The following WWP1 variants were observed in gnomAD, a reference collection of about 807,000 sequenced individuals.
WWP1 encodes NEDD4-like E3 ubiquitin-protein ligase WWP1.
WWP1 carries 49 observed loss-of-function variants against 130.6 expected under a neutral mutation model. The observed-to-expected ratio is 0.38, with a 90% CI of 0.30 to 0.48. The LOEUF (loss-of-function observed/expected upper bound fraction) is 0.48, where lower values mean the gene tolerates loss of function less well. WWP1 is among the 20% of genes least tolerant of loss of function. The pLI, the probability that WWP1 is intolerant of heterozygous loss-of-function variation, is 0.99. For synonymous variants in WWP1, 332 were observed against 367.8 expected (o/e 0.90, Z 1.11); for missense variants, 809 against 1,100.6 (o/e 0.74, Z 3.75).
At chr8:86,441,999 G>T (rs375168620) in intron 17 of WWP1, among the ~76,000 whole-genome samples, 27 of 152,178 alleles carry the variant, frequency 1.8e-4, no homozygotes, top group East Asian at 1.5e-3. Flanking sequence ...CACATTTAAA[G>T]ATTTAACCTT....
At chr8:86,419,563 G>C (rs1809079688) in intron 9 of WWP1, among the ~76,000 whole-genome samples, 1 of 152,182 alleles carries the variant, frequency 6.6e-6, no homozygotes, top group Non-Finnish European at 1.5e-5. Context: ...TGTGAAATTT[G>C]ACTGATAAAG....
Position 86,466,804 on chromosome 8 carries a change from T to G in WWP1, c.2680T>G (p.Leu894Val). ...TTTGTTTCTGTTCAGTTTTAATCGC[T>G]TGGATCTACCACCATATAAGAGTTA... ...LPRSHTCFNR[L>V]DLPPYKSYEQ... is the part of the protein sequence containing the mutation. The change falls in exon 25 of 25, where the codon TTG becomes GTG. Residue 894 changes from leucine to valine, a missense_variant. This residue lies in a region of WWP1 where 450 missense variants were observed against 674.2 expected (regional missense o/e 0.67). Coordinates refer to ENST00000517970, the MANE Select transcript of WWP1 (RefSeq NM_007013.4). 1 of 1,581,094 alleles carries G rather than the reference T, an allele frequency of 6.3e-7. No homozygotes were observed.
intron 1 of WWP1, among the ~76,000 whole-genome samples, chr8:86,362,104 G>T (rs1409100561): frequency 1.1e-5 from 1 of 90,494 alleles, no homozygotes; most frequent in Non-Finnish European, 2.4e-5. Context: ...ATATACACTA[G>T]GCATATATAT....
chr8:86,395,190 C>T (rs948123361), intron 5 of WWP1, among the ~76,000 whole-genome samples: 4 of 152,064 alleles, frequency 2.6e-5, no homozygotes, highest in African/African-American at 9.7e-5. Context: ...AAGCTAACGT[C>T]AGAGAATAAA....
intron 24 of WWP1, among the ~76,000 whole-genome samples, chr8:86,464,423 GAATT>G (rs1344444807): frequency 1.3e-5 from 2 of 152,096 alleles, no homozygotes; most frequent in African/African-American, 2.4e-5. Context: ...ATATCAAAGT[GAATT>G]AATATTTTTT....
chr8:86,396,121 T>C (rs910833434), intron 5 of WWP1, among the ~76,000 whole-genome samples: 1 of 151,674 alleles, frequency 6.6e-6, no homozygotes, highest in Non-Finnish European at 1.5e-5. Context: ...TTTTTTGAGA[T>C]GGAGTCTTGG....
intron 20 of WWP1, among the ~76,000 whole-genome samples, chr8:86,449,557 A>C (rs1352680498): frequency 6.6e-6 from 1 of 152,232 alleles, no homozygotes; most frequent in Non-Finnish European, 1.5e-5. Flanking sequence ...TTCTTAGCTC[A>C]AATGCTGGAC....
intron 10 of WWP1, 90 bp from the exon 11 acceptor site, chr8:86,427,553 G>T: frequency 7.4e-7 from 1 of 1,357,782 alleles, no homozygotes; most frequent in Admixed American, 2.3e-5. Context: ...AACATGTCTT[G>T]AACTTGATAT....
intron 23 of WWP1, 169 bp downstream of exon 23, chr8:86,461,489 A>G: frequency 1.5e-6 from 1 of 655,506 alleles, no homozygotes. Flanking sequence ...CTTGTAAGAC[A>G]AAAATGAATG....
intron 4 of WWP1, 23 bp downstream of exon 4, chr8:86,380,887 G>A (rs746941749): frequency 1.9e-5 from 29 of 1,552,164 alleles, no homozygotes; most frequent in Non-Finnish European, 2.3e-5. Context: ...TGTAAAGGAC[G>A]GAAAATCTTC....
chr8:86,418,910 A>T (rs1043203821), intron 9 of WWP1, among the ~76,000 whole-genome samples: 1 of 152,098 alleles, frequency 6.6e-6, no homozygotes, highest in Non-Finnish European at 1.5e-5. Flanking sequence ...TCTATTGAAG[A>T]CCTCTCCAAA....
At chr8:86,377,335 T>G (rs1824719223) in intron 3 of WWP1, among the ~76,000 whole-genome samples, 1 of 151,302 alleles carries the variant, frequency 6.6e-6, no homozygotes, top group African/African-American at 2.4e-5. Context: ...TGACCACAGG[T>G]GATCCGCCTG....
intron 1 of WWP1, among the ~76,000 whole-genome samples, chr8:86,345,899 T>C (rs1296640026): frequency 1.3e-5 from 2 of 152,230 alleles, no homozygotes; most frequent in African/African-American, 4.8e-5. Context: ...TCCTGGAGTT[T>C]AAATGATTTG....
intron 1 of WWP1, among the ~76,000 whole-genome samples, chr8:86,349,426 A>T (rs532647890): frequency 2.3e-4 from 35 of 152,240 alleles, no homozygotes; most frequent in Non-Finnish European, 2.9e-4. Flanking sequence ...TCAAGGGTAC[A>T]AATGTGTGAA....
At chr8:86,364,284 G>A (rs542719646) in intron 1 of WWP1, among the ~76,000 whole-genome samples, 1 of 152,230 alleles carries the variant, frequency 6.6e-6, no homozygotes, top group South Asian at 2.1e-4. Context: ...GTTTAGAGTA[G>A]GTGGGTCATA....
chr8:86,392,936 A>T (rs1247412274), intron 5 of WWP1, among the ~76,000 whole-genome samples: 1 of 152,184 alleles, frequency 6.6e-6, no homozygotes, highest in Non-Finnish European at 1.5e-5. Context: ...AAGTTCTACT[A>T]ATTTATATAC....
At chr8:86,404,574 G>A (rs992934815) in intron 8 of WWP1, among the ~76,000 whole-genome samples, 1 of 152,106 alleles carries the variant, frequency 6.6e-6, no homozygotes, top group African/African-American at 2.4e-5. Context: ...GGAACATGAA[G>A]GTTCCATCAT....
intron 1 of WWP1, among the ~76,000 whole-genome samples, chr8:86,358,524 C>T (rs1467409490): frequency 2.7e-5 from 4 of 150,824 alleles, no homozygotes; most frequent in Admixed American, 6.6e-5. Flanking sequence ...CTCTGTCTCC[C>T]AGGCTAGAGT....
At chr8:86,394,503 C>T (rs1807539654) in intron 5 of WWP1, among the ~76,000 whole-genome samples, 1 of 152,022 alleles carries the variant, frequency 6.6e-6, no homozygotes, top group Non-Finnish European at 1.5e-5. Context: ...TTGGGGAGGT[C>T]AACCAAAAAA....
Sources: gnomAD v4.1 joint callset for allele counts (sites outside exome capture counted in the v4.1 genomes callset) on GRCh38, gnomAD v4.1.1 for gene constraint, gnomAD v4.1.1 regional missense constraint, MANE v1.5 for transcripts, NCBI Gene and HGNC (gene_info 2026-07-23, HGNC 2026-07-21) for gene names.